The following WWOX variants were observed in gnomAD, a reference collection of about 807,000 sequenced individuals.
WWOX encodes WW domain containing oxidoreductase.
A neutral mutation model predicts 46.2 loss-of-function variants in WWOX; 69 were observed. The observed-to-expected ratio is 1.49, with a 90% confidence interval of 1.23 to 1.82. The LOEUF is 1.82. Ranked by LOEUF, WWOX falls within the 40% of genes most tolerant of loss-of-function variation. WWOX has a pLI of 0.00. For synonymous variants in WWOX, 359 were observed against 202.6 expected, an observed-to-expected ratio of 1.77 and a Z score of -6.56; for missense variants, 919 against 542.6, an observed-to-expected ratio of 1.69 and a Z score of -6.89.
At chr16:78,634,845 T>A (rs75518889) in intron 8 of WWOX, among the ~76,000 whole-genome samples, 38,693 of 114,034 alleles carry the variant, frequency 0.34, 6,179 homozygotes, top group East Asian at 0.45. Context: ...AGAGTGTGTG[T>A]GTGTGTGTGT....
intron 8 of WWOX, among the ~76,000 whole-genome samples, chr16:78,942,541 G>C (rs1032031436): frequency 2.0e-5 from 3 of 152,016 alleles, no homozygotes; most frequent in Admixed American, 6.6e-5. Context: ...GTAAAGCAAG[G>C]AATTAATAAA....
chr16:78,425,650 T>G (rs370883321), intron 7 of WWOX, among the ~76,000 whole-genome samples: 15 of 152,294 alleles, frequency 9.8e-5, no homozygotes, highest in South Asian at 6.2e-4. Context: ...CATTTGAAAA[T>G]TTCCTCGTAT....
At chr16:78,703,866 ATGACTC>A (rs1567503031) in intron 8 of WWOX, among the ~76,000 whole-genome samples, 2 of 152,094 alleles carry the variant, frequency 1.3e-5, no homozygotes, top group Non-Finnish European at 2.9e-5. Context: ...TTTCTGAACT[ATGACTC>A]TGATCTTCTC....
At chr16:78,647,752 C>G (rs1011249463) in intron 8 of WWOX, among the ~76,000 whole-genome samples, 11 of 152,178 alleles carry the variant, frequency 7.2e-5, no homozygotes, top group Non-Finnish European at 1.5e-4. Flanking sequence ...AGATGAAACC[C>G]AGATCTAACT....
intron 8 of WWOX, among the ~76,000 whole-genome samples, chr16:78,798,623 A>T (rs545291103): frequency 1.0e-4 from 15 of 147,130 alleles, no homozygotes; most frequent in African/African-American, 3.8e-4. Context: ...ATTTACAGTG[A>T]TCTTTCCATA....
At chr16:78,658,128 T>C (rs2047123138) in intron 8 of WWOX, among the ~76,000 whole-genome samples, 1 of 152,156 alleles carries the variant, frequency 6.6e-6, no homozygotes. Flanking sequence ...TAGCATCTTC[T>C]ATTTCCTCAA....
chr16:78,596,896 C>G (rs1242344996), intron 8 of WWOX, among the ~76,000 whole-genome samples: 2 of 152,134 alleles, frequency 1.3e-5, no homozygotes, highest in African/African-American at 4.8e-5. Flanking sequence ...AGCCAGCTCT[C>G]CAAAGCAAGC....
Position 78,886,284 on chromosome 16 carries a change from T to TA in WWOX, c.1057-325313dup, listed in dbSNP as rs550454378. Reference sequence around the variant, plus strand: ...TTGTACACATTTGGTATTTTTTCTTTAAAAAAAAAAAGCATTTACTTTTTG... The same window carrying TA: ...TTGTACACATTTGGTATTTTTTCTTTAAAAAAAAAAAAGCATTTACTTTTTG... On this transcript the variant is annotated intron_variant, in intron 8 of 8. Coordinates refer to ENST00000566780, the MANE Select transcript of WWOX (RefSeq NM_016373.4). 1.2e-3 allele frequency among the ~76,000 whole-genome samples: 174 copies of TA among 144,558 alleles called. 1 individual carries two copies. The highest frequency in any genetic ancestry group is 2.8e-3 in the South Asian group (13 of 4,562). 94.8% of individuals were successfully genotyped at this position (144,558 alleles called of 152,430 possible). A position where few individuals can be genotyped will look rare whatever the true frequency, so the allele number is the denominator to read the frequency against.
rs556358457 is a variant in WWOX at position 78,981,538 on chromosome 16, G to C, written c.1057-230070G>C. 4.6e-5 allele frequency among the ~76,000 whole-genome samples: 7 copies of C among 152,056 alleles called. No individual in the cohort carries two copies. The South Asian group carries it at 8.3e-4, about 18-fold the overall frequency. On this transcript the variant is annotated intron_variant, in intron 8 of 8. Transcript: ENST00000566780. ...CTGCAACCTCCACTTTCCGGGTTCAGGTGATTCTCCTGCCTCAGCCTCCCA... is the reference window on the plus strand; with the variant it reads ...CTGCAACCTCCACTTTCCGGGTTCACGTGATTCTCCTGCCTCAGCCTCCCA...
chr16:78,342,541 G>C (rs2081035480), intron 5 of WWOX, among the ~76,000 whole-genome samples: 1 of 120,578 alleles, frequency 8.3e-6, no homozygotes, highest in Non-Finnish European at 2.0e-5. Context: ...AATTATGAGG[G>C]AGGCTGAGAT....
At chr16:78,485,526 T>G (rs1438899600) in intron 8 of WWOX, among the ~76,000 whole-genome samples, 1 of 152,220 alleles carries the variant, frequency 6.6e-6, no homozygotes, top group Admixed American at 6.5e-5. Flanking sequence ...CAACTCCCCT[T>G]TCAAACGTTA....
intron 8 of WWOX, among the ~76,000 whole-genome samples, chr16:78,984,236 C>G (rs893205751): frequency 1.3e-5 from 2 of 152,046 alleles, no homozygotes; most frequent in Non-Finnish European, 2.9e-5. Context: ...GTGGCACATA[C>G]CCCTGTACAT....
At chr16:79,054,291 T>G (rs1259371115) in intron 8 of WWOX, among the ~76,000 whole-genome samples, 3 of 152,178 alleles carry the variant, frequency 2.0e-5, no homozygotes, top group Non-Finnish European at 2.9e-5. Context: ...ATTGTTTTAG[T>G]TAGGCCCGCA....
chr16:78,238,454 C>T (rs1191156112), intron 5 of WWOX, among the ~76,000 whole-genome samples: 2 of 152,098 alleles, frequency 1.3e-5, no homozygotes, highest in Non-Finnish European at 2.9e-5. Flanking sequence ...CATGTGCCAC[C>T]ATACCCAGCC....
intron 5 of WWOX, among the ~76,000 whole-genome samples, chr16:78,332,393 C>G (rs1223528990): frequency 6.6e-6 from 1 of 152,284 alleles, no homozygotes; most frequent in South Asian, 2.1e-4. Context: ...TCTGTGCAAT[C>G]TGAGGGCACG....
At chr16:78,304,815 C>A (rs1317883084) in intron 5 of WWOX, among the ~76,000 whole-genome samples, 1 of 152,166 alleles carries the variant, frequency 6.6e-6, no homozygotes, top group Non-Finnish European at 1.5e-5. Context: ...AAGAGGAATT[C>A]TGTACAATAT....
chr16:78,304,975 T>TTTTCCTTTTC lies in WWOX; in HGVS notation c.517-81877_517-81868dup, dbSNP rs557918384. On this transcript the variant is annotated intron_variant, in intron 5 of 8. Transcript: ENST00000566780. ...TTTTTTTTCTTTTCTTTCCTTCCCTTTTTCCTTTTCTTTCCTTCTTTCCTT... is the reference window on the plus strand; with the variant it reads ...TTTTTTTTCTTTTCTTTCCTTCCCTTTTTCCTTTTCTTTCCTTTTCTTTCCTTCTTTCCTT... Among the ~76,000 whole-genome samples, 32 of 152,192 alleles carry TTTTCCTTTTC rather than the reference T, an allele frequency of 2.1e-4. 1 individual carries two copies. In the East Asian group the frequency reaches 6.0e-3, roughly 28 times the overall value.
chr16:78,119,589 C>A (rs1412599125), intron 4 of WWOX, among the ~76,000 whole-genome samples: 1 of 151,638 alleles, frequency 6.6e-6, no homozygotes, highest in African/African-American at 2.4e-5. Flanking sequence ...ATCATATTTA[C>A]GGAGTGACAT....
At chr16:79,176,185 C>A (rs927983616) in intron 8 of WWOX, among the ~76,000 whole-genome samples, 3 of 152,158 alleles carry the variant, frequency 2.0e-5, no homozygotes, top group Admixed American at 2.0e-4. Flanking sequence ...ATAGCTGAAA[C>A]CCCCAAAGGG....
Sources: allele counts gnomAD v4.1 joint callset (sites outside exome capture counted in the v4.1 genomes callset), GRCh38; gene constraint gnomAD v4.1.1; transcripts MANE v1.5; gene names NCBI Gene and HGNC (gene_info 2026-07-23, HGNC 2026-07-21).